SPG7: variants seen among roughly 807,000 people sequenced by gnomAD.
The protein encoded by SPG7 is SPG7 matrix AAA peptidase subunit, paraplegin, also known as mitochondrial inner membrane m-AAA protease component paraplegin.
Under a neutral mutation model 81.9 loss-of-function variants are expected in SPG7, and 103 were observed. The ratio of observed to expected loss-of-function variants is 1.26; its 90% CI spans 1.07 to 1.48. SPG7 has a LOEUF of 1.48. Ranked by LOEUF, SPG7 falls within the 40% of genes most tolerant of loss-of-function variation. SPG7 has a pLI of 0.00. For missense variants in SPG7, 1,241 were observed against 1,087.3 expected (o/e 1.14, Z -1.99); for synonymous variants, 534 against 444.2 (o/e 1.20, Z -2.54).
chr16:89,537,490 G>A, intron 9 of SPG7: 1 of 1,002,780 alleles, frequency 1.0e-6, no homozygotes, highest in Non-Finnish European at 1.2e-6. Flanking sequence ...CCCCTGACGT[G>A]CAGCCACACA....
At chr16:89,532,403 A>G in intron 8 of SPG7, 60 bp from the exon 9 acceptor site, 7 of 1,584,968 alleles carry the variant, frequency 4.4e-6, no homozygotes, top group Non-Finnish European at 6.1e-6. Context: ...GCCCGGGTAC[A>G]GGAAGAGGCT....
At chr16:89,544,585 C>T (rs996490871) in intron 9 of SPG7, 63 bp from the exon 10 acceptor site, 18 of 1,600,586 alleles carry the variant, frequency 1.1e-5, no homozygotes, top group South Asian at 3.3e-5. Flanking sequence ...GGGGAACCTG[C>T]AGGGGAAATC....
intron 3 of SPG7, 159 bp from the exon 4 acceptor site, chr16:89,523,847 C>A (rs1415248376): frequency 4.2e-6 from 4 of 960,662 alleles, no homozygotes; most frequent in Non-Finnish European, 6.4e-6. Context: ...TAGTCTTTGT[C>A]TCTGATAACG....
At chr16:89,554,727 A>C in intron 16 of SPG7, 164 bp downstream of exon 16, 1 of 641,680 alleles carries the variant, frequency 1.6e-6, no homozygotes, top group Non-Finnish European at 2.8e-6. Flanking sequence ...CGTGTTCCAT[A>C]CTTTTTATCC....
At chr16:89,549,281 A>C in intron 12 of SPG7, 1 of 455,680 alleles carries the variant, frequency 2.2e-6, no homozygotes, top group Non-Finnish European at 4.4e-6. Context: ...CAAGTTGTAC[A>C]GAATGGACAC....
At chr16:89,540,649 C>G (rs1398309281) in intron 9 of SPG7, 1 of 154,326 alleles carries the variant, frequency 6.5e-6, no homozygotes. Context: ...GCAAAGAAAC[C>G]AGATCCCTTG....
intron 12 of SPG7, 129 bp downstream of exon 12, chr16:89,548,242 T>C (rs2058590524): frequency 1.4e-6 from 1 of 691,556 alleles, no homozygotes; most frequent in East Asian, 2.7e-5. Flanking sequence ...TGCGTTTCAG[T>C]TCTGCGTAAC....
intron 1 of SPG7, chr16:89,509,019 A>G (rs1368370911): frequency 1.1e-5 from 5 of 459,690 alleles, no homozygotes; most frequent in Non-Finnish European, 2.2e-5. Context: ...GGGGGCCCAG[A>G]ACGTTTCTGT....
intron 12 of SPG7, chr16:89,549,274 G>A (rs1478949398): frequency 6.6e-6 from 3 of 456,372 alleles, no homozygotes; most frequent in South Asian, 3.1e-5. Context: ...GCTGATTCAA[G>A]TTGTACAGAA....
At chr16:89,536,777 A>T (rs1248099924) in intron 9 of SPG7, 2 of 1,613,908 alleles carry the variant, frequency 1.2e-6, no homozygotes, top group Admixed American at 1.7e-5. Context: ...GCCTCTCTTG[A>T]CCAGCTACCC....
intron 3 of SPG7, among the ~76,000 whole-genome samples, chr16:89,513,409 G>A (rs1160447712): frequency 4.6e-5 from 7 of 152,088 alleles, no homozygotes; most frequent in Non-Finnish European, 8.8e-5. Context: ...CCAGCTACTC[G>A]GGAGGCTGAG....
At chr16:89,548,644 C>T (rs570621734) in intron 12 of SPG7, 51 of 328,934 alleles carry the variant, frequency 1.6e-4, no homozygotes, top group African/African-American at 4.7e-4. Context: ...GTTTTGGTGA[C>T]GGGTGACCGG....
chr16:89,513,398 C>T (rs138200577), intron 3 of SPG7, among the ~76,000 whole-genome samples: 1 of 152,120 alleles, frequency 6.6e-6, no homozygotes, highest in African/African-American at 2.4e-5. Context: ...CGCCTGTAAT[C>T]CCAGCTACTC....
chr16:89,530,296 C>T lies in SPG7; in HGVS notation c.862-387C>T, dbSNP rs1253425103. 1.5e-5 allele frequency: 5 copies of T among 344,452 alleles called. No homozygotes were observed. The East Asian group carries it at 3.9e-4, about 27-fold the overall frequency. 21.3% of individuals were successfully genotyped at this position (344,452 alleles called of 1,614,324 possible). ...AGTAGCTGTGACTACAGGTGCCTGC[C>T]ACCACACCCAGCTAATTTTTTTGTA... On this transcript the variant is annotated intron_variant, in intron 6 of 16. Transcript: ENST00000645818.
chr16:89,520,380 T>TTTTG lies in SPG7; in HGVS notation c.377-3598_377-3595dup, dbSNP rs113614318. On this transcript the variant is annotated intron_variant, in intron 3 of 16. Coordinates refer to ENST00000645818, the MANE Select transcript of SPG7 (RefSeq NM_003119.4). ...GAAGTTCCTTTTATACCTAGAGTGCTTTTGTTTGTTTGTTTGTTTGTTTGT... is the reference window on the plus strand; with the variant it reads ...GAAGTTCCTTTTATACCTAGAGTGCTTTTGTTTGTTTGTTTGTTTGTTTGTTTGT... 1,141 of 185,890 alleles carry TTTTG rather than the reference T, an allele frequency of 6.1e-3. 6 individuals carry two copies. The highest frequency in any genetic ancestry group is 0.015 in the African/African-American group (615 of 41,878). 11.5% of individuals were successfully genotyped at this position (185,890 alleles called of 1,614,324 possible).
At chr16:89,541,594 A>G (rs1477154826) in intron 9 of SPG7, 1 of 153,666 alleles carries the variant, frequency 6.5e-6, no homozygotes, top group Non-Finnish European at 1.4e-5. Context: ...GAGTGGGGGC[A>G]TCTGAGCAGG....
intron 13 of SPG7, 106 bp from the exon 14 acceptor site, chr16:89,552,873 C>G: frequency 1.8e-6 from 2 of 1,110,356 alleles, no homozygotes; most frequent in Non-Finnish European, 1.3e-6. Flanking sequence ...CATTTGCCTT[C>G]CTGCTTTGAG....
intron 10 of SPG7, chr16:89,546,188 G>C: frequency 3.3e-6 from 1 of 304,780 alleles, no homozygotes; most frequent in South Asian, 2.8e-5. Flanking sequence ...CCAGGTTCAA[G>C]TGATTGTCCC....
At chr16:89,512,005 G>A (rs1190084794) in intron 2 of SPG7, among the ~76,000 whole-genome samples, 3 of 152,016 alleles carry the variant, frequency 2.0e-5, no homozygotes, top group African/African-American at 7.3e-5. Flanking sequence ...TCTGCCTCCA[G>A]GATTCCCGCC....
Sources: allele counts gnomAD v4.1 joint callset (sites outside exome capture counted in the v4.1 genomes callset), GRCh38; gene constraint gnomAD v4.1.1; transcripts MANE v1.5; gene names NCBI Gene and HGNC (gene_info 2026-07-23, HGNC 2026-07-21).